The following VPS13D variants were observed in gnomAD, a reference collection of about 807,000 sequenced individuals.
VPS13D encodes the protein intermembrane lipid transfer protein VPS13D.
In VPS13D, 187 loss-of-function variants were observed where a neutral mutation model predicts 461.9. That is an observed-to-expected ratio of 0.40 (90% CI 0.36 to 0.46). The LOEUF is 0.46. Ranked by LOEUF, VPS13D falls within the 20% of genes least tolerant of loss-of-function variation. VPS13D has a pLI of 0.60. For synonymous variants in VPS13D, 1,951 were observed against 1,986.3 expected, an observed-to-expected ratio of 0.98 and a Z score of 0.47; for missense variants, 4,711 against 5,364.9, an observed-to-expected ratio of 0.88 and a Z score of 3.81.
In VPS13D at chr1:12,268,741, T is replaced by C. The variant is rs1456530255; in HGVS notation, c.1837T>C (p.Tyr613His). ...DPDGPVFEMLYERNPAHSHFE... is the reference protein window; with the variant it reads ...DPDGPVFEMLHERNPAHSHFE... The stretch of plus-strand genomic sequence containing the variant: ...AGATGGCCCCGTTTTTGAGATGCTG[T>C]ATGAGAGAAATCCGGCGCACAGCCA... Residue 613 changes from tyrosine to histidine, a missense_variant, in exon 16 of 70, where the codon TAT (tyrosine) becomes CAT (histidine). This residue lies in a region of VPS13D where 4,411 missense variants were observed against 4,937.8 expected (regional missense o/e 0.89). Coordinates refer to ENST00000620676, the MANE Select transcript of VPS13D (RefSeq NM_015378.4). 2 of 1,613,968 alleles carry C rather than the reference T, an allele frequency of 1.2e-6. No homozygotes were observed.
rs540163028 is a variant in VPS13D at position 12,260,456 on chromosome 1, GAA to G, written c.1111-236_1111-235del. On this transcript the variant is annotated intron_variant, in intron 10 of 69. Coordinates refer to ENST00000620676, the MANE Select transcript of VPS13D (RefSeq NM_015378.4). ...TCTTTCATAGAGCTCAATTTCTGGA[GAA>G]TTGTTGGTGATGTTTTTAAGACCAA... is the stretch of plus-strand genomic sequence containing the variant. Among the ~76,000 whole-genome samples the G allele has an allele frequency of 3.3e-5, 5 of 152,122 alleles. No homozygotes were observed. In the South Asian group the frequency reaches 1.0e-3, roughly 32 times the overall value.
At chr1:12,346,775 C>A in intron 44 of VPS13D, 123 bp downstream of exon 44, 1 of 942,942 alleles carries the variant, frequency 1.1e-6, no homozygotes, top group Non-Finnish European at 1.5e-6. Flanking sequence ...TGAAATTTAT[C>A]TCTGCCCTTT....
intron 65 of VPS13D, among the ~76,000 whole-genome samples, chr1:12,452,972 ATAGGTG>A (rs1164760112): frequency 6.6e-6 from 1 of 152,206 alleles, no homozygotes; most frequent in Non-Finnish European, 1.5e-5. Flanking sequence ...GTAAGTTGAG[ATAGGTG>A]TAGGTACCTT....
chr1:12,488,938 C>T (rs912759424), intron 67 of VPS13D, among the ~76,000 whole-genome samples: 5 of 152,124 alleles, frequency 3.3e-5, no homozygotes, highest in African/African-American at 1.2e-4. Flanking sequence ...AATTGTAAAG[C>T]GCCTTGTTCT....
chr1:12,414,530 G>T (rs1644770995), intron 63 of VPS13D, among the ~76,000 whole-genome samples: 1 of 152,140 alleles, frequency 6.6e-6, no homozygotes, highest in Non-Finnish European at 1.5e-5. Flanking sequence ...GCATACTGAT[G>T]ATTCCATTTA....
chr1:12,264,336 C>T (rs575721320), intron 13 of VPS13D, among the ~76,000 whole-genome samples: 8 of 152,176 alleles, frequency 5.3e-5, no homozygotes, highest in Non-Finnish European at 8.8e-5. Flanking sequence ...AAAAGCTAAA[C>T]GTGATTAAGC....
intron 32 of VPS13D, among the ~76,000 whole-genome samples, chr1:12,320,664 C>G (rs1279388566): frequency 2.0e-5 from 3 of 152,148 alleles, no homozygotes; most frequent in Non-Finnish European, 4.4e-5. Flanking sequence ...CATCTGCCTT[C>G]CAAGCCACCA....
intron 60 of VPS13D, among the ~76,000 whole-genome samples, chr1:12,388,054 TG>T (rs1364345046): frequency 6.6e-6 from 1 of 152,226 alleles, no homozygotes; most frequent in African/African-American, 2.4e-5. Context: ...GATAACTACC[TG>T]GGTAAATATA....
chr1:12,261,937 C>T lies in VPS13D; in HGVS notation c.1451C>T (p.Ser484Leu), dbSNP rs767131451. 8.7e-6 allele frequency: 14 copies of T among 1,613,606 alleles called. No individual in the cohort carries two copies. The highest frequency in any genetic ancestry group is 2.2e-5 in the East Asian group (1 of 44,888). ...EEFFDPTADASCMNTYTKRDH... is the reference protein window; with the variant it reads ...EEFFDPTADALCMNTYTKRDH... ...TTTTTTGACCCCACTGCAGATGCCT[C>T]GTGTATGAACACGTATACAAAGCGA... is the stretch of plus-strand genomic sequence containing the variant. The change falls in exon 13 of 70, where the codon TCG becomes TTG. Residue 484 changes from serine to leucine, a missense_variant. Ser to Leu is a moderately radical substitution (Grantham distance 145). This residue lies in a region of VPS13D where 4,411 missense variants were observed against 4,937.8 expected (regional missense o/e 0.89). Coordinates refer to ENST00000620676, the MANE Select transcript of VPS13D (RefSeq NM_015378.4).
chr1:12,320,379 C>CA (rs1279386753), intron 32 of VPS13D, among the ~76,000 whole-genome samples: 1 of 152,192 alleles, frequency 6.6e-6, no homozygotes, highest in African/African-American at 2.4e-5. Context: ...TTCCCCATGC[C>CA]ACACTGTTAG....
chr1:12,269,356 T>C (rs1641366526), intron 16 of VPS13D, among the ~76,000 whole-genome samples: 2 of 152,242 alleles, frequency 1.3e-5, no homozygotes, highest in Non-Finnish European at 2.9e-5. Flanking sequence ...TAGATGAAAG[T>C]ACTACAGGCA....
At chr1:12,472,586 C>T (rs1645578304) in intron 67 of VPS13D, among the ~76,000 whole-genome samples, 1 of 152,202 alleles carries the variant, frequency 6.6e-6, no homozygotes, top group African/African-American at 2.4e-5. Flanking sequence ...ATCTGCTTTT[C>T]AGCTTCTAAA....
At chr1:12,388,647 G>A (rs544754672) in intron 60 of VPS13D, among the ~76,000 whole-genome samples, 3 of 150,668 alleles carry the variant, frequency 2.0e-5, no homozygotes, top group Admixed American at 2.0e-4. Flanking sequence ...GCAGGGAAAG[G>A]AATAGATAGG....
chr1:12,308,692 CAGGG>C (rs747528870), intron 27 of VPS13D, 51 bp downstream of exon 27: 1 of 1,575,320 alleles, frequency 6.3e-7, no homozygotes, highest in South Asian at 1.1e-5. Flanking sequence ...GTTCACCAGG[CAGGG>C]TGGAGTGCAG....
intron 22 of VPS13D, among the ~76,000 whole-genome samples, chr1:12,289,949 A>T (rs896306780): frequency 6.6e-6 from 1 of 152,302 alleles, no homozygotes; most frequent in South Asian, 2.1e-4. Context: ...AAATAAAAAA[A>T]AAAATTGTGT....
chr1:12,333,136 G>A, intron 37 of VPS13D, 90 bp from the exon 38 acceptor site: 1 of 1,479,522 alleles, frequency 6.8e-7, no homozygotes, highest in Non-Finnish European at 9.1e-7. Context: ...TTAAGCTCGA[G>A]TTTGTCCTTG....
rs1030214477 is a variant in VPS13D at position 12,279,542 on chromosome 1, G to C, written c.4494G>C (p.Glu1498Asp). The C allele has an allele frequency of 6.2e-7, 1 of 1,610,048 alleles. No homozygotes were observed. The highest frequency in any genetic ancestry group is 1.3e-5 in the African/African-American group (1 of 74,866). Residue 1498 changes from glutamate to aspartate, a missense_variant, in exon 20 of 70, where the codon GAG (glutamate) becomes GAC (aspartate). By Grantham distance (45) the Glu-to-Asp change is conservative. This residue lies in a region of VPS13D where 4,411 missense variants were observed against 4,937.8 expected (regional missense o/e 0.89). Coordinates refer to ENST00000620676, the MANE Select transcript of VPS13D (RefSeq NM_015378.4). The surrounding 1 kb of genome is among the most constrained non-coding windows in gnomAD (Gnocchi z 4.3). The stretch of plus-strand genomic sequence containing the variant: ...ACACCACCATTCAGTTTAAACTGGA[G>C]AAGATCCCTATAGAGAGAGAATCTG... ...LNNTTIQFKL[E>D]KIPIERESEL...
At chr1:12,324,759 G>T (rs765592518) in intron 35 of VPS13D, among the ~76,000 whole-genome samples, 1 of 152,206 alleles carries the variant, frequency 6.6e-6, no homozygotes, top group Non-Finnish European at 1.5e-5. Context: ...TGCTAATGGC[G>T]GTGATATTGA....
intron 46 of VPS13D, among the ~76,000 whole-genome samples, chr1:12,353,532 CAAAAAAAAAAAA>C (rs79787458): frequency 2.7e-5 from 1 of 36,370 alleles, no homozygotes; most frequent in Non-Finnish European, 5.7e-5. Context: ...GACTGCATCT[CAAAAAAAAAAAA>C]AAAAAAAAAA....
Sources: allele counts gnomAD v4.1 joint callset (sites outside exome capture counted in the v4.1 genomes callset), GRCh38; gene constraint gnomAD v4.1.1; regional missense constraint gnomAD v4.1.1; non-coding constraint Gnocchi (gnomAD v3.1); transcripts MANE v1.5; gene names NCBI Gene and HGNC (gene_info 2026-07-23, HGNC 2026-07-21).